RIMBP2: variants seen among roughly 807,000 people sequenced by gnomAD.
The protein encoded by RIMBP2 is RIMS-binding protein 2.
A neutral mutation model predicts 118.6 loss-of-function variants in RIMBP2; 48 were observed. The observed-to-expected ratio is 0.40, with a 90% confidence interval of 0.32 to 0.51. The LOEUF (loss-of-function observed/expected upper bound fraction) is 0.51, where lower values mean the gene tolerates loss of function less well. RIMBP2 is among the 20% of genes least tolerant of loss of function. RIMBP2 has a pLI of 0.41. For missense variants in RIMBP2, 1,551 were observed against 1,768.3 expected, an observed-to-expected ratio of 0.88 and a Z score of 2.20; for synonymous variants, 762 against 742.9, an observed-to-expected ratio of 1.03 and a Z score of -0.42.
At chr12:130,583,974 C>G (rs914723087) in intron 2 of RIMBP2, among the ~76,000 whole-genome samples, 1 of 150,894 alleles carries the variant, frequency 6.6e-6, no homozygotes, top group Non-Finnish European at 1.5e-5. Flanking sequence ...ACCACCAACA[C>G]ATCATCATCA....
At position 130,475,390 on chromosome 12, in the gene RIMBP2, A is replaced by G. The variant is rs4759469; in HGVS notation, c.102+3522T>C. On this transcript the variant is annotated intron_variant, in intron 5 of 22. Transcript: ENST00000690449. This position sits in a 1 kb window ranked among gnomAD's most constrained non-coding sequence, Gnocchi z 4.1. ...CAAGGGTGGTCAGGTCTGGGGGTGA[A>G]GCTGATCCCACCAAGGAATCTCTAA... is the stretch of plus-strand genomic sequence containing the variant. 0.11 allele frequency among the ~76,000 whole-genome samples: 16,265 copies of G among 152,182 alleles called. 1,178 individuals are homozygous for G. Among genetic ancestry groups the G allele is most frequent in the East Asian group, 0.36 (1,831 of 5,152 alleles).
At chr12:130,448,341 C>G (rs2078713141) in intron 9 of RIMBP2, among the ~76,000 whole-genome samples, 1 of 152,186 alleles carries the variant, frequency 6.6e-6, no homozygotes, top group Non-Finnish European at 1.5e-5. Flanking sequence ...CATGCCCTCT[C>G]CATAGAAGTG....
chr12:130,397,887 C>T (rs2074184712), intron 22 of RIMBP2: 2 of 180,328 alleles, frequency 1.1e-5, no homozygotes, highest in Non-Finnish European at 2.3e-5. Context: ...TAAAGTTGGC[C>T]GAGTACCCAT....
intron 2 of RIMBP2, among the ~76,000 whole-genome samples, chr12:130,573,723 T>C (rs1244491319): frequency 6.6e-6 from 1 of 150,678 alleles, no homozygotes. Flanking sequence ...GGCAGGAGGG[T>C]GCAAGTGGAG....
chr12:130,481,650 T>C (rs915091131), intron 4 of RIMBP2, among the ~76,000 whole-genome samples: 2 of 152,166 alleles, frequency 1.3e-5, no homozygotes, highest in Non-Finnish European at 2.9e-5. Context: ...CAAAACCCCA[T>C]GAAACACGGG....
At chr12:130,514,859 T>C (rs892251440) in intron 3 of RIMBP2, among the ~76,000 whole-genome samples, 2 of 151,640 alleles carry the variant, frequency 1.3e-5, no homozygotes, top group Admixed American at 6.6e-5. Flanking sequence ...AGCATACTAA[T>C]TGGAGGGTCA....
At position 130,424,561 on chromosome 12, in the gene RIMBP2, C is replaced by G. The variant is rs1007283688; in HGVS notation, c.2710G>C (p.Asp904His). The change falls in exon 16 of 23, where the codon GAC (aspartate) becomes CAC (histidine). Residue 904 changes from aspartate (D) to histidine (H), a missense_variant. Transcript: ENST00000690449. This position sits in a 1 kb window ranked among gnomAD's most constrained non-coding sequence, Gnocchi z 9.8. The part of the protein sequence containing the change: ...VPHVEDFLLE[D>H]RGCRFSRSAT... Reference sequence around the variant, plus strand: ...GAGCGGCTGAACCGACAGCCCCTGTCTTCCAGAAGGAAGTCCTCCACGTGG... The same window carrying G: ...GAGCGGCTGAACCGACAGCCCCTGTGTTCCAGAAGGAAGTCCTCCACGTGG... The G allele has an allele frequency of 8.1e-7, 1 of 1,232,022 alleles. No individual in the cohort carries two copies. The highest frequency in any genetic ancestry group is 1.0e-6 in the Non-Finnish European group (1 of 987,866). 76.3% of individuals were successfully genotyped at this position (1,232,022 alleles called of 1,614,324 possible). A position where few individuals can be genotyped will look rare whatever the true frequency, so the allele number is the denominator to read the frequency against.
intron 6 of RIMBP2, among the ~76,000 whole-genome samples, chr12:130,460,550 T>A (rs955574006): frequency 1.3e-5 from 2 of 152,060 alleles, no homozygotes; most frequent in Non-Finnish European, 2.9e-5. Flanking sequence ...AGCCTAGTAT[T>A]AGCAGCAGCA....
intron 2 of RIMBP2, among the ~76,000 whole-genome samples, chr12:130,544,276 T>G (rs2054893556): frequency 6.6e-6 from 1 of 152,226 alleles, no homozygotes; most frequent in Non-Finnish European, 1.5e-5. Flanking sequence ...CAGTAGGTGC[T>G]TTTGTTAATC....
intron 1 of RIMBP2, among the ~76,000 whole-genome samples, chr12:130,698,756 T>C (rs1412251451): frequency 6.6e-6 from 1 of 152,138 alleles, no homozygotes; most frequent in Non-Finnish European, 1.5e-5. Context: ...AAAGAGCTTC[T>C]GCACAGCAAA....
At chr12:130,541,910 A>G (rs557785613) in intron 2 of RIMBP2, among the ~76,000 whole-genome samples, 3 of 152,366 alleles carry the variant, frequency 2.0e-5, no homozygotes, top group African/African-American at 7.2e-5. Context: ...TCTTCTGAGC[A>G]AGCTAATGCC....
intron 2 of RIMBP2, among the ~76,000 whole-genome samples, chr12:130,564,720 G>A (rs1235061678): frequency 6.6e-6 from 1 of 152,206 alleles, no homozygotes; most frequent in Non-Finnish European, 1.5e-5. Context: ...AACAGGGGAT[G>A]TAAGAGGGGG....
At chr12:130,488,246 G>T (rs1321472518) in intron 4 of RIMBP2, among the ~76,000 whole-genome samples, 28 of 152,236 alleles carry the variant, frequency 1.8e-4, no homozygotes, top group Admixed American at 1.4e-3. Flanking sequence ...CACTGGCGGA[G>T]TTAGTCACGC....
At position 130,641,281 on chromosome 12, in the gene RIMBP2, A is replaced by G. The variant is rs73159128; in HGVS notation, c.-351-12825T>C. ...GGCCAGGTCTCCCAAGACTGCAGGAAGCCTTCATCTCATGGTGACTGCCGG... is the reference window on the plus strand; with the variant it reads ...GGCCAGGTCTCCCAAGACTGCAGGAGGCCTTCATCTCATGGTGACTGCCGG... On this transcript the variant is annotated intron_variant, in intron 1 of 22. Transcript: ENST00000690449. 4.4e-3 allele frequency among the ~76,000 whole-genome samples: 662 copies of G among 151,460 alleles called. 13 individuals are homozygous for G. The highest frequency in any genetic ancestry group is 0.015 in the African/African-American group (606 of 40,858).
At chr12:130,477,179 G>A (rs1304774982) in intron 5 of RIMBP2, among the ~76,000 whole-genome samples, 1 of 152,234 alleles carries the variant, frequency 6.6e-6, no homozygotes, top group African/African-American at 2.4e-5. Flanking sequence ...AGAACGCCAA[G>A]AGAACTGGAC....
Position 130,428,323 on chromosome 12 carries a change from A to G in RIMBP2, c.2268T>C (p.His756=). The G allele has an allele frequency of 3.7e-6, 6 of 1,609,802 alleles. No homozygotes were observed. Among genetic ancestry groups the G allele is most frequent in the Non-Finnish European group, 4.2e-6 (5 of 1,177,884 alleles). ...SELGKQPHCC[H]GDEYHTESSR... is the part of the protein sequence containing the mutation. ...TGCTCTCTGTGTGGTACTCGTCTCC[A>G]TGGCAACAGTGCGGCTGGGGGCCAA... is the stretch of plus-strand genomic sequence containing the variant. Residue 756 remains histidine (H), a synonymous_variant, in exon 15 of 23, where the codon CAT becomes CAC. Transcript: ENST00000690449.
intron 1 of RIMBP2, among the ~76,000 whole-genome samples, chr12:130,662,525 G>T (rs12819093): frequency 1.3e-5 from 2 of 152,126 alleles, no homozygotes; most frequent in Non-Finnish European, 2.9e-5. Context: ...GCATGGTGGT[G>T]TGTGCCTGTA....
At chr12:130,487,400 A>G (rs1030692013) in intron 4 of RIMBP2, among the ~76,000 whole-genome samples, 1 of 151,954 alleles carries the variant, frequency 6.6e-6, no homozygotes, top group African/African-American at 2.4e-5. Flanking sequence ...TTCACTCGAG[A>G]GCTGGTTGTT....
intron 4 of RIMBP2, among the ~76,000 whole-genome samples, chr12:130,504,306 A>G (rs367898975): frequency 1.6e-4 from 24 of 152,272 alleles, no homozygotes; most frequent in African/African-American, 5.3e-4. Context: ...CCTCAGGCAC[A>G]CTTAGCTGGG....
Sources: gnomAD v4.1 joint callset for allele counts (sites outside exome capture counted in the v4.1 genomes callset) on GRCh38, gnomAD v4.1.1 for gene constraint, Gnocchi (gnomAD v3.1) non-coding constraint, MANE v1.5 for transcripts, NCBI Gene and HGNC (gene_info 2026-07-23, HGNC 2026-07-21) for gene names.